Variants in GULP1 observed in about 807,000 individuals in gnomAD.
The protein encoded by GULP1 is GULP PTB domain containing engulfment adaptor 1.
Under a neutral mutation model 40.9 loss-of-function variants are expected in GULP1, and 19 were observed. That is an observed-to-expected ratio of 0.46 (90% confidence interval 0.32 to 0.68). GULP1 has a LOEUF of 0.68. Ranked by LOEUF, GULP1 falls within the 30% of genes least tolerant of loss-of-function variation. The probability of loss-of-function intolerance (pLI) is 0.03; values close to 1 mark genes in which losing one functional copy is unlikely to be tolerated. For missense variants in GULP1, 312 were observed against 362.2 expected, an observed-to-expected ratio of 0.86 and a Z score of 1.12; for synonymous variants, 119 against 117.6, an observed-to-expected ratio of 1.01 and a Z score of -0.08.
At chr2:188,438,760 CAT>C (rs151337543) in intron 2 of GULP1, among the ~76,000 whole-genome samples, 29,054 of 151,650 alleles carry the variant, frequency 0.19, 2,859 homozygotes, top group East Asian at 0.24. Flanking sequence ...AGTTAAAACA[CAT>C]GTTTTCAGAC....
intron 4 of GULP1, among the ~76,000 whole-genome samples, chr2:188,497,453 T>G (rs1360793093): frequency 6.6e-6 from 1 of 152,026 alleles, no homozygotes; most frequent in African/African-American, 2.4e-5. Flanking sequence ...GATAATGGAC[T>G]ATTATAACTT....
At position 188,483,453 on chromosome 2, in the gene GULP1, T is replaced by C. The variant is rs2061594787; in HGVS notation, c.51T>C (p.Pro17=). The C allele has an allele frequency of 3.3e-6, 5 of 1,529,612 alleles. No individual in the cohort carries two copies. Among genetic ancestry groups the C allele is most frequent in the Admixed American group, 1.7e-5 (1 of 58,988 alleles). 94.8% of individuals were successfully genotyped at this position (1,529,612 alleles called of 1,614,324 possible). ...RKKDKTWMHT[P]EALSKHFIPY... Reference sequence around the variant, plus strand: ...CAGACAAAACATGGATGCATACACCTGAAGCTTTATCAAAACATTTCATTC... The same window carrying C: ...CAGACAAAACATGGATGCATACACCCGAAGCTTTATCAAAACATTTCATTC... Residue 17 remains proline (P), a synonymous_variant, in exon 4 of 12, where the codon CCT becomes CCC. Coordinates refer to ENST00000409830, the MANE Select transcript of GULP1 (RefSeq NM_016315.4).
intron 4 of GULP1, among the ~76,000 whole-genome samples, chr2:188,514,477 C>G (rs965836409): frequency 1.3e-5 from 2 of 152,012 alleles, no homozygotes; most frequent in Non-Finnish European, 2.9e-5. Flanking sequence ...AAATAAAACC[C>G]TGAACACTTT....
intron 7 of GULP1, among the ~76,000 whole-genome samples, chr2:188,542,330 C>T (rs1690730194): frequency 6.6e-6 from 1 of 152,030 alleles, no homozygotes; most frequent in Admixed American, 6.6e-5. Context: ...TCAAAAATAA[C>T]AGATAGCTAA....
intron 1 of GULP1, among the ~76,000 whole-genome samples, chr2:188,365,518 T>C (rs1330803314): frequency 1.3e-5 from 2 of 152,196 alleles, no homozygotes; most frequent in Non-Finnish European, 2.9e-5. Context: ...TGAGGAAGCA[T>C]AAAATTCTTG....
intron 3 of GULP1, among the ~76,000 whole-genome samples, chr2:188,480,840 A>T (rs116055934): frequency 0.01 from 1,545 of 152,044 alleles, 7 homozygotes; most frequent in Non-Finnish European, 0.016. Context: ...CATACTATTG[A>T]GTAGATATCA....
At chr2:188,329,581 G>T (rs867368434) in intron 1 of GULP1, among the ~76,000 whole-genome samples, 19 of 152,216 alleles carry the variant, frequency 1.2e-4, no homozygotes, top group Middle Eastern at 6.8e-3. Context: ...AGTAGAATGA[G>T]GTGGGAAGAT....
chr2:188,574,154 C>A (rs955150486), intron 9 of GULP1, among the ~76,000 whole-genome samples: 1 of 151,834 alleles, frequency 6.6e-6, no homozygotes, highest in Admixed American at 6.6e-5. Context: ...TTAGTATAGT[C>A]TCTTTGGGGA....
chr2:188,418,697 C>T (rs1186433116), intron 2 of GULP1, among the ~76,000 whole-genome samples: 1 of 152,124 alleles, frequency 6.6e-6, no homozygotes, highest in Non-Finnish European at 1.5e-5. Context: ...TAATGTTTCA[C>T]AATTTTAGAT....
intron 2 of GULP1, among the ~76,000 whole-genome samples, chr2:188,411,912 A>T (rs2053945555): frequency 6.6e-6 from 1 of 152,144 alleles, no homozygotes; most frequent in African/African-American, 2.4e-5. Flanking sequence ...TTGGGGTGGC[A>T]TCTGTGTATT....
intron 2 of GULP1, among the ~76,000 whole-genome samples, chr2:188,391,994 C>T (rs974709245): frequency 2.6e-5 from 4 of 151,806 alleles, no homozygotes; most frequent in African/African-American, 9.7e-5. Flanking sequence ...TTTTGATGTG[C>T]TGTTGCATTT....
intron 2 of GULP1, among the ~76,000 whole-genome samples, chr2:188,462,447 G>C (rs565358753): frequency 5.5e-4 from 83 of 152,210 alleles, no homozygotes; most frequent in Admixed American, 1.9e-3. Flanking sequence ...CCATTTGGCC[G>C]AGAGTGCAGA....
chr2:188,381,396 C>T (rs544050655), intron 1 of GULP1, among the ~76,000 whole-genome samples: 273 of 149,384 alleles, frequency 1.8e-3, no homozygotes, highest in African/African-American at 6.8e-3. Context: ...ATAAAGGCTA[C>T]GGGGATGTTA....
intron 4 of GULP1, among the ~76,000 whole-genome samples, chr2:188,484,936 G>A (rs971060647): frequency 1.3e-5 from 2 of 152,016 alleles, no homozygotes; most frequent in South Asian, 2.1e-4. Flanking sequence ...CCCTAATTTA[G>A]CATGAAAAGT....
chr2:188,377,737 A>T (rs2048475964), intron 1 of GULP1, among the ~76,000 whole-genome samples: 1 of 152,230 alleles, frequency 6.6e-6, no homozygotes, highest in South Asian at 2.1e-4. Context: ...AAAATTGTGC[A>T]GAAAGCTAAC....
intron 6 of GULP1, among the ~76,000 whole-genome samples, chr2:188,534,887 A>T (rs539479495): frequency 6.6e-6 from 1 of 152,026 alleles, no homozygotes; most frequent in African/African-American, 2.4e-5. Context: ...GTGGGGTTCA[A>T]CTCAACATGA....
chr2:188,522,697 C>A, intron 4 of GULP1, 59 bp from the exon 5 acceptor site: 1 of 981,702 alleles, frequency 1.0e-6, no homozygotes, highest in South Asian at 1.4e-5. Context: ...TATATTTCAA[C>A]ATGATGCAAT....
intron 7 of GULP1, among the ~76,000 whole-genome samples, chr2:188,557,915 G>A (rs1043073503): frequency 6.6e-6 from 1 of 152,236 alleles, no homozygotes; most frequent in Non-Finnish European, 1.5e-5. Flanking sequence ...TGGCTGGGAA[G>A]CAGGGAGTAG....
rs1004068113 is a variant in GULP1, at chr2:188,529,178, C to A, written c.244C>A (p.Leu82Ile). 1.3e-6 allele frequency: 2 copies of A among 1,540,880 alleles called. No individual in the cohort carries two copies. Among genetic ancestry groups the A allele is most frequent in the Non-Finnish European group, 1.8e-6 (2 of 1,122,414 alleles). Residue 82 changes from leucine to isoleucine, a missense_variant, in exon 6 of 12, where the codon CTA becomes ATA. Coordinates refer to ENST00000409830, the MANE Select transcript of GULP1 (RefSeq NM_016315.4). ...AATATCAATTTATGGAGTAAAAATT[C>A]TAGAACCCAAAACAAAGGTAAGGCT... ...LQISIYGVKI[L>I]EPKTKEVQHN...
Sources: allele counts gnomAD v4.1 joint callset (sites outside exome capture counted in the v4.1 genomes callset), GRCh38; gene constraint gnomAD v4.1.1; transcripts MANE v1.5; gene names NCBI Gene and HGNC (gene_info 2026-07-23, HGNC 2026-07-21).